Variants in WWOX observed in about 807,000 individuals in gnomAD.
WWOX encodes WW domain containing oxidoreductase, also known as WW domain-containing oxidoreductase.
In WWOX, 69 loss-of-function variants were observed where a neutral mutation model predicts 46.2. The observed-to-expected ratio is 1.49, with a 90% CI of 1.23 to 1.82. The LOEUF is 1.82. WWOX is among the 40% of genes most tolerant of loss of function. The pLI, the probability that WWOX is intolerant of heterozygous loss-of-function variation, is 0.00. For missense variants in WWOX, 919 were observed against 542.6 expected (o/e 1.69, Z -6.89); for synonymous variants, 359 against 202.6 (o/e 1.77, Z -6.56).
At chr16:79,200,388 G>A (rs1173985303) in intron 8 of WWOX, among the ~76,000 whole-genome samples, 1 of 152,162 alleles carries the variant, frequency 6.6e-6, no homozygotes, top group Non-Finnish European at 1.5e-5. Flanking sequence ...TATAGAGTAT[G>A]GAGTTAGAAC....
At chr16:79,071,111 C>G (rs547089699) in intron 8 of WWOX, among the ~76,000 whole-genome samples, 4 of 152,314 alleles carry the variant, frequency 2.6e-5, no homozygotes, top group African/African-American at 9.6e-5. Flanking sequence ...ATTCCATAGA[C>G]TGTGAAGTCT....
chr16:79,092,790 C>A (rs531269503), intron 8 of WWOX, among the ~76,000 whole-genome samples: 1 of 152,104 alleles, frequency 6.6e-6, no homozygotes, highest in Non-Finnish European at 1.5e-5. Flanking sequence ...ACATATTATT[C>A]TATGGCTCCT....
intron 5 of WWOX, among the ~76,000 whole-genome samples, chr16:78,336,158 T>C (rs2080883591): frequency 6.6e-6 from 1 of 151,842 alleles, no homozygotes; most frequent in Non-Finnish European, 1.5e-5. Flanking sequence ...ATGTTGATGC[T>C]ACTTGTCTTG....
intron 8 of WWOX, among the ~76,000 whole-genome samples, chr16:78,507,086 C>T (rs529057051): frequency 6.6e-6 from 1 of 152,186 alleles, no homozygotes; most frequent in East Asian, 1.9e-4. Flanking sequence ...GCAGGAGCAA[C>T]ATCATCCCAA....
rs543013199 is a variant in WWOX at position 78,417,842 on chromosome 16, G to A, written c.606-7028G>A. Among the ~76,000 whole-genome samples, 4 of 152,252 alleles carry A rather than the reference G, an allele frequency of 2.6e-5. No individual in the cohort carries two copies. The South Asian group carries it at 6.2e-4, about 24-fold the overall frequency. ...TAGTGGGCACCCTATGTGGAAAACAGGTGTTGTCAAATAACTGCAACTGAC... is the reference window on the plus strand; with the variant it reads ...TAGTGGGCACCCTATGTGGAAAACAAGTGTTGTCAAATAACTGCAACTGAC... On this transcript the variant is annotated intron_variant, in intron 6 of 8. Coordinates refer to ENST00000566780, the MANE Select transcript of WWOX (RefSeq NM_016373.4).
chr16:78,358,059 A>G (rs1056510389), intron 5 of WWOX, among the ~76,000 whole-genome samples: 2 of 152,200 alleles, frequency 1.3e-5, no homozygotes, highest in Admixed American at 6.5e-5. Flanking sequence ...GAACTTTTTC[A>G]TCTTTCTGCA....
chr16:79,058,719 C>T (rs1378884218), intron 8 of WWOX, among the ~76,000 whole-genome samples: 2 of 152,142 alleles, frequency 1.3e-5, no homozygotes, highest in South Asian at 2.1e-4. Context: ...GTTTACTCAC[C>T]GTATCTGTGT....
At chr16:79,071,546 T>G (rs1264661386) in intron 8 of WWOX, among the ~76,000 whole-genome samples, 1 of 152,206 alleles carries the variant, frequency 6.6e-6, no homozygotes, top group Non-Finnish European at 1.5e-5. Flanking sequence ...GAGAGCTGTT[T>G]CAGGTTTTTA....
At position 78,779,867 on chromosome 16, in the gene WWOX, G is replaced by A. The variant is rs192055359; in HGVS notation, c.1056+347115G>A. ...GAAGGGCCTTTGGGACTGGGTGGATGTAACACTTTCTGCCACCTCTACTCT... is the reference window on the plus strand; with the variant it reads ...GAAGGGCCTTTGGGACTGGGTGGATATAACACTTTCTGCCACCTCTACTCT... On this transcript the variant is annotated intron_variant, in intron 8 of 8. Coordinates refer to ENST00000566780, the MANE Select transcript of WWOX (RefSeq NM_016373.4). Among the ~76,000 whole-genome samples the A allele has an allele frequency of 4.6e-3, 693 of 152,272 alleles. 2 individuals carry two copies. Among genetic ancestry groups the A allele is most frequent in the Non-Finnish European group, 6.3e-3 (426 of 68,020 alleles).
At position 79,102,476 on chromosome 16, in the gene WWOX, C is replaced by G. The variant is rs185214643; in HGVS notation, c.1057-109132C>G. ...GGAGATTTGAAATGTGAGAGAATGC[C>G]TGCTGTCTGTCGCATTTACCAAACA... On this transcript the variant is annotated intron_variant, in intron 8 of 8. Coordinates refer to ENST00000566780, the MANE Select transcript of WWOX (RefSeq NM_016373.4). Among the ~76,000 whole-genome samples, 229 of 152,312 alleles carry G rather than the reference C, an allele frequency of 1.5e-3. 1 individual carries two copies. In the Middle Eastern group the frequency reaches 0.027, roughly 18 times the overall value.
intron 5 of WWOX, among the ~76,000 whole-genome samples, chr16:78,295,745 CAAA>C (rs1254947179): frequency 6.8e-6 from 1 of 146,016 alleles, no homozygotes; most frequent in African/African-American, 2.6e-5. Context: ...AACAAACAAA[CAAA>C]AACTTGTCTC....
chr16:78,927,033 C>T (rs969363842), intron 8 of WWOX, among the ~76,000 whole-genome samples: 4 of 152,158 alleles, frequency 2.6e-5, no homozygotes, highest in African/African-American at 2.4e-5. Flanking sequence ...TGAGCTCAAG[C>T]CATCCACCCG....
chr16:78,214,294 C>G (rs1597360455), intron 5 of WWOX, among the ~76,000 whole-genome samples: 1 of 152,212 alleles, frequency 6.6e-6, no homozygotes, highest in South Asian at 2.1e-4. Flanking sequence ...GATCACTAGC[C>G]AAGTACTGAA....
chr16:78,307,605 G>A (rs948521971), intron 5 of WWOX, among the ~76,000 whole-genome samples: 1 of 152,188 alleles, frequency 6.6e-6, no homozygotes, highest in African/African-American at 2.4e-5. Flanking sequence ...TTTTAACCCA[G>A]TGAGGTTGAT....
At chr16:79,210,762 C>T (rs202244297) in intron 8 of WWOX, among the ~76,000 whole-genome samples, 9,121 of 152,138 alleles carry the variant, frequency 0.06, 400 homozygotes, top group East Asian at 0.23. Context: ...TATAGCATCC[C>T]TGACAGTATT....
intron 8 of WWOX, among the ~76,000 whole-genome samples, chr16:78,516,371 A>G (rs542233417): frequency 6.6e-6 from 1 of 152,290 alleles, no homozygotes; most frequent in East Asian, 1.9e-4. Context: ...TAAAGAGAGA[A>G]CCCACTTCTT....
At chr16:78,471,720 A>G (rs1051105682) in intron 8 of WWOX, among the ~76,000 whole-genome samples, 1 of 152,216 alleles carries the variant, frequency 6.6e-6, no homozygotes, top group Non-Finnish European at 1.5e-5. Context: ...TATATAAGCA[A>G]TAGTCCCTGA....
At chr16:78,242,877 G>A (rs973506661) in intron 5 of WWOX, among the ~76,000 whole-genome samples, 4 of 152,058 alleles carry the variant, frequency 2.6e-5, no homozygotes, top group African/African-American at 9.7e-5. Context: ...GTATGGTGGT[G>A]TGCGCCTGTA....
intron 4 of WWOX, among the ~76,000 whole-genome samples, chr16:78,162,878 A>G (rs1468444177): frequency 6.6e-6 from 1 of 152,002 alleles, no homozygotes; most frequent in Non-Finnish European, 1.5e-5. Context: ...TGTGTCTTGT[A>G]TTCTGTTAAA....
Sources: gnomAD v4.1 joint callset for allele counts (sites outside exome capture counted in the v4.1 genomes callset) on GRCh38, gnomAD v4.1.1 for gene constraint, MANE v1.5 for transcripts, NCBI Gene and HGNC (gene_info 2026-07-23, HGNC 2026-07-21) for gene names.